Variants in TLK1 observed in about 807,000 individuals in gnomAD.
The protein encoded by TLK1 is serine/threonine-protein kinase tousled-like 1.
Under a neutral mutation model 105.3 loss-of-function variants are expected in TLK1, and 24 were observed. That is an observed-to-expected ratio of 0.23 (90% CI 0.17 to 0.32). The LOEUF is 0.32. Ranked by LOEUF, TLK1 falls within the 10% of genes least tolerant of loss-of-function variation. The pLI, the probability that TLK1 is intolerant of heterozygous loss-of-function variation, is 1.00. For missense variants in TLK1, 558 were observed against 910.5 expected (o/e 0.61, Z 4.98); for synonymous variants, 321 against 310.4 (o/e 1.03, Z -0.36).
At chr2:171,144,536 C>CAAATATGCAGAAATTAACATATTCCT (rs1691716722) in intron 1 of TLK1, among the ~76,000 whole-genome samples, 1 of 151,912 alleles carries the variant, frequency 6.6e-6, no homozygotes, top group South Asian at 2.1e-4. Context: ...GAGAAATTCA[C>CAAATATGCAGAAATTAACATATTCCT]AAATATGCAG....
Position 171,082,565 on chromosome 2 carries a change from A to G in TLK1, c.330+216T>C, listed in dbSNP as rs187617730. 1.3e-5 allele frequency among the ~76,000 whole-genome samples: 2 copies of G among 152,338 alleles called. 1 individual carries two copies. The highest frequency in any genetic ancestry group is 3.9e-4 in the East Asian group (2 of 5,192). ...ATACATATCATTCATTTACAAGTTC[A>G]GCTACATAACCAAAGAAATTATATT... is the stretch of plus-strand genomic sequence containing the variant. On this transcript the variant is annotated intron_variant, in intron 3 of 20. Coordinates refer to ENST00000431350, the MANE Select transcript of TLK1 (RefSeq NM_012290.5).
intron 11 of TLK1, among the ~76,000 whole-genome samples, chr2:171,030,598 G>T (rs1046738712): frequency 8.5e-5 from 13 of 152,116 alleles, no homozygotes; most frequent in Non-Finnish European, 1.8e-4. Context: ...CTGGATATGG[G>T]TACAGGTTTA....
chr2:171,188,787 T>A (rs1458885705), intron 1 of TLK1, among the ~76,000 whole-genome samples: 1 of 145,986 alleles, frequency 6.8e-6, no homozygotes, highest in African/African-American at 2.5e-5. Flanking sequence ...GGCAGGAGAA[T>A]CACTTGAACC....
intron 2 of TLK1, among the ~76,000 whole-genome samples, chr2:171,094,252 T>C (rs1463878366): frequency 1.3e-5 from 2 of 152,092 alleles, no homozygotes; most frequent in Non-Finnish European, 2.9e-5. Flanking sequence ...ATGAAATTAG[T>C]AGTCTAGAAA....
chr2:171,224,653 T>A (rs570657229), intron 1 of TLK1, among the ~76,000 whole-genome samples: 1 of 152,248 alleles, frequency 6.6e-6, no homozygotes, highest in South Asian at 2.1e-4. Flanking sequence ...TTCAACAAAA[T>A]CCCTATAAAA....
chr2:171,061,616 C>T (rs1687754154), intron 3 of TLK1, among the ~76,000 whole-genome samples: 1 of 152,130 alleles, frequency 6.6e-6, no homozygotes, highest in Non-Finnish European at 1.5e-5. Flanking sequence ...TACACAATCC[C>T]TACTAAAAAG....
chr2:171,074,782 T>A (rs1688427544), intron 3 of TLK1, among the ~76,000 whole-genome samples: 1 of 152,148 alleles, frequency 6.6e-6, no homozygotes, highest in East Asian at 1.9e-4. Context: ...ACATCATTTA[T>A]CACACTAACA....
At chr2:171,203,498 C>T (rs1474770030) in intron 1 of TLK1, among the ~76,000 whole-genome samples, 5 of 152,048 alleles carry the variant, frequency 3.3e-5, no homozygotes, top group Non-Finnish European at 5.9e-5. Flanking sequence ...CAGATTCATC[C>T]GCATTGTAGA....
chr2:171,170,064 T>G (rs1041665560), intron 1 of TLK1, among the ~76,000 whole-genome samples: 2 of 152,116 alleles, frequency 1.3e-5, no homozygotes, highest in African/African-American at 2.4e-5. Flanking sequence ...ATGGCAGCAG[T>G]GAGACTAACC....
chr2:171,227,514 C>T (rs113672710), intron 1 of TLK1, among the ~76,000 whole-genome samples: 2,103 of 144,824 alleles, frequency 0.015, 27 homozygotes, highest in Middle Eastern at 0.034. Context: ...CTGGGAGTCA[C>T]GATACCCCTG....
chr2:171,160,748 C>T lies in TLK1; in HGVS notation c.-320G>A. 4.7e-6 allele frequency: 2 copies of T among 425,122 alleles called. No individual in the cohort carries two copies. The highest frequency in any genetic ancestry group is 2.1e-5 in the African/African-American group (1 of 47,860). The allele number at this position is 425,122 out of a possible 1,614,324, so 26.3% of individuals were successfully genotyped here. Reference sequence around the variant, plus strand: ...TGCCAGCCGGGCCGGGGTCGGAGCGCGGGCGGAGCGCGGGCTGCGCCGGCC... The same window carrying T: ...TGCCAGCCGGGCCGGGGTCGGAGCGTGGGCGGAGCGCGGGCTGCGCCGGCC... On this transcript the variant is annotated 5_prime_UTR_variant, in exon 1 of 21. Coordinates refer to ENST00000431350, the MANE Select transcript of TLK1 (RefSeq NM_012290.5). This position sits in a 1 kb window ranked among gnomAD's most constrained non-coding sequence, Gnocchi z 4.4.
At chr2:171,203,492 T>C (rs993468241) in intron 1 of TLK1, among the ~76,000 whole-genome samples, 1 of 152,216 alleles carries the variant, frequency 6.6e-6, no homozygotes, top group Non-Finnish European at 1.5e-5. Flanking sequence ...GTCCTTCAGA[T>C]TCATCCGCAT....
At chr2:171,121,112 T>C (rs1690636351) in intron 1 of TLK1, among the ~76,000 whole-genome samples, 1 of 152,152 alleles carries the variant, frequency 6.6e-6, no homozygotes, top group Non-Finnish European at 1.5e-5. Flanking sequence ...GAGTTTCAGC[T>C]GAGGAAGACA....
chr2:171,058,158 T>G lies in TLK1; in HGVS notation c.446A>C (p.Tyr149Ser). ...IGGRGHKISD[Y>S]FEYQGGNGSS... is the part of the protein sequence containing the mutation. ...AATCCTCAATGAACTTACTTCAAAATAGTCGCTAATTTTGTGGCCACGTCC... is the reference window on the plus strand; with the variant it reads ...AATCCTCAATGAACTTACTTCAAAAGAGTCGCTAATTTTGTGGCCACGTCC... Residue 149 changes from tyrosine (Y) to serine (S), a missense_variant, in exon 5 of 21, where the codon TAT (tyrosine) becomes TCT (serine). Tyr to Ser is a moderately radical substitution (Grantham distance 144). Around this residue, in one of 5 missense-constraint regions of TLK1, gnomAD observed 196 missense variants for 239.3 expected, o/e 0.82. Transcript: ENST00000431350. 1 of 1,613,530 alleles carries G rather than the reference T, an allele frequency of 6.2e-7. No homozygotes were observed. Among genetic ancestry groups the G allele is most frequent in the Non-Finnish European group, 8.5e-7 (1 of 1,179,580 alleles).
At chr2:171,011,643 A>T (rs1684921403) in intron 13 of TLK1, among the ~76,000 whole-genome samples, 189 bp from the exon 14 acceptor site, 1 of 152,122 alleles carries the variant, frequency 6.6e-6, no homozygotes, top group African/African-American at 2.4e-5. Context: ...CACCCATCTT[A>T]AGGCTTTGGC....
At position 170,992,242 on chromosome 2, in the gene TLK1, T is replaced by C. The variant is rs1395226390; in HGVS notation, c.*1538A>G. 2.0e-5 allele frequency: 3 copies of C among 152,142 alleles called. No homozygotes were observed. Among genetic ancestry groups the C allele is most frequent in the Non-Finnish European group, 4.4e-5 (3 of 67,994 alleles). The allele number at this position is 152,142 out of a possible 1,614,324, so 9.4% of individuals were successfully genotyped here. On this transcript the variant is annotated 3_prime_UTR_variant, in exon 21 of 21. Coordinates refer to ENST00000431350, the MANE Select transcript of TLK1 (RefSeq NM_012290.5). ...TTTCAGCAGCATTTTAAAGAGACAA[T>C]GTGTCTATGTACAATGAAAAAACAA...
chr2:171,066,441 A>G (rs2105453830), intron 3 of TLK1, among the ~76,000 whole-genome samples: 1 of 152,360 alleles, frequency 6.6e-6, no homozygotes, highest in East Asian at 1.9e-4. Flanking sequence ...GTGCTGTCTT[A>G]CAGGTATACT....
chr2:171,211,795 G>T (rs138909079), intron 1 of TLK1, among the ~76,000 whole-genome samples: 2 of 150,636 alleles, frequency 1.3e-5, no homozygotes, highest in Non-Finnish European at 3.0e-5. Flanking sequence ...TGATCCACCC[G>T]CCTCGGCCTC....
intron 12 of TLK1, among the ~76,000 whole-genome samples, chr2:171,020,628 A>T (rs1023532026): frequency 6.6e-6 from 1 of 152,150 alleles, no homozygotes; most frequent in Non-Finnish European, 1.5e-5. Flanking sequence ...ATTTATTTCG[A>T]ATTTATCCTT....
Sources: allele counts gnomAD v4.1 joint callset (sites outside exome capture counted in the v4.1 genomes callset), GRCh38; gene constraint gnomAD v4.1.1; regional missense constraint gnomAD v4.1.1; non-coding constraint Gnocchi (gnomAD v3.1); transcripts MANE v1.5; gene names NCBI Gene and HGNC (gene_info 2026-07-23, HGNC 2026-07-21).